POLR2F: variants seen among roughly 807,000 people sequenced by gnomAD.
POLR2F encodes DNA-directed RNA polymerases I, II, and III subunit RPABC2.
Under a neutral mutation model 22.7 loss-of-function variants are expected in POLR2F, and 12 were observed. The observed-to-expected ratio is 0.53, with a 90% CI of 0.34 to 0.86. The LOEUF is 0.86. Among genes scored for constraint, POLR2F ranks in the 40% least tolerant of loss-of-function variants. The pLI, the probability that POLR2F is intolerant of heterozygous loss-of-function variation, is 0.02. For missense variants in POLR2F, 126 were observed against 171.5 expected (o/e 0.73, Z 1.48); for synonymous variants, 57 against 66.0 (o/e 0.86, Z 0.66).
At chr22:38,010,459 T>C (rs1457575985) in intron 1 of POLR2F, among the ~76,000 whole-genome samples, 2 of 152,074 alleles carry the variant, frequency 1.3e-5, no homozygotes, top group Admixed American at 1.3e-4. Context: ...CCAAATTAGC[T>C]GTACCATTTC....
At position 37,978,124 on chromosome 22, in the gene POLR2F, T is replaced by C. The variant is rs1370065890; in HGVS notation, c.293+10954T>C. 1.3e-6 allele frequency: 2 copies of C among 1,571,448 alleles called. No individual in the cohort carries two copies. Among genetic ancestry groups the C allele is most frequent in the East Asian group, 2.3e-5 (1 of 43,968 alleles). ...CTCGATGAAGGGGCGCTTGTCACTT[T>C]CGTTCAGCAGCCTGGGGTGTGGTGG... is the stretch of plus-strand genomic sequence containing the variant. On this transcript the variant is annotated intron_variant, in intron 4 of 4. Transcript: ENST00000405557. The surrounding 1 kb of genome is among the most constrained non-coding windows in gnomAD (Gnocchi z 5.0).
At chr22:38,002,168 TA>T (rs926217985) in intron 1 of POLR2F, among the ~76,000 whole-genome samples, 77 of 151,910 alleles carry the variant, frequency 5.1e-4, no homozygotes, top group African/African-American at 1.8e-3. Context: ...TTTTTTAATT[TA>T]TTTTTTTCCC....
At chr22:38,012,118 G>A (rs1180013279) in intron 1 of POLR2F, among the ~76,000 whole-genome samples, 2 of 134,594 alleles carry the variant, frequency 1.5e-5, no homozygotes, top group Non-Finnish European at 3.1e-5. Flanking sequence ...GTCTTGCTCT[G>A]TCGCCTAGGC....
At chr22:38,003,320 G>A (rs1443306150) in intron 1 of POLR2F, among the ~76,000 whole-genome samples, 6 of 151,684 alleles carry the variant, frequency 4.0e-5, no homozygotes, top group South Asian at 2.1e-4. Context: ...TCCGCCTCCC[G>A]GGTTCGAGCG....
At chr22:37,969,401 G>A, downstream of POLR2F, 3 of 810,692 alleles carry the variant, frequency 3.7e-6, no homozygotes, top group Non-Finnish European at 4.5e-6. Context: ...TGGAGCTCCT[G>A]CCTTCCTGAG....
chr22:37,956,695 G>A lies in POLR2F; in HGVS notation c.21-78G>A, dbSNP rs117294127. 2.1e-3 allele frequency: 2,418 copies of A among 1,126,228 alleles called. 3 individuals are homozygous for A. Among genetic ancestry groups the A allele is most frequent in the Non-Finnish European group, 2.9e-3 (2,129 of 737,392 alleles). The allele number at this position is 1,126,228 out of a possible 1,614,324, so 69.8% of individuals were successfully genotyped here. On this transcript the variant is annotated intron_variant, in intron 1 of 4. Transcript: ENST00000442738. ...ATCTCCGAAAGTACCAGGATTACAA[G>A]TGTGATCCACCGTGCCTGGCCCCTC...
intron 2 of POLR2F, among the ~76,000 whole-genome samples, chr22:37,958,206 T>C (rs1931478469): frequency 6.6e-6 from 1 of 150,684 alleles, no homozygotes; most frequent in Non-Finnish European, 1.5e-5. Flanking sequence ...TTTTTTTTTT[T>C]GAGACGGGGT....
chr22:38,023,092 T>C (rs1159858250), intron 1 of POLR2F, among the ~76,000 whole-genome samples: 1 of 152,164 alleles, frequency 6.6e-6, no homozygotes, highest in Non-Finnish European at 1.5e-5. Context: ...CACTGGGTTA[T>C]TTTGTGTTCC....
At chr22:37,981,275 C>T (rs1246022205), upstream of POLR2F, among the ~76,000 whole-genome samples, 1 of 152,252 alleles carries the variant, frequency 6.6e-6, no homozygotes, top group African/African-American at 2.4e-5. Context: ...GAGCAATTGG[C>T]CAGCCCAGCC....
chr22:38,010,127 C>G (rs537890443), intron 1 of POLR2F, among the ~76,000 whole-genome samples: 1 of 152,268 alleles, frequency 6.6e-6, no homozygotes, highest in South Asian at 2.1e-4. Context: ...GTAATCCCAG[C>G]ACTTTGAGAG....
In POLR2F at chr22:37,980,006, C is replaced by T. The variant is rs1024515656; in HGVS notation, c.293+12836C>T. ...GTGGTCATGCCAGGCACCTCCTAGC[C>T]GGCAGCAGCATTCCTCTGCGGCTTA... On this transcript the variant is annotated intron_variant, in intron 4 of 4. Transcript: ENST00000405557. This position sits in a 1 kb window ranked among gnomAD's most constrained non-coding sequence, Gnocchi z 4.1. Among the ~76,000 whole-genome samples the T allele has an allele frequency of 3.3e-5, 5 of 152,124 alleles. No homozygotes were observed. The highest frequency in any genetic ancestry group is 1.3e-4 in the Admixed American group (2 of 15,272).
rs1931908742 is a variant in POLR2F at position 37,967,629 on chromosome 22, C to T, written c.298C>T (p.Arg100Ter). 7 of 1,613,702 alleles carry T rather than the reference C, an allele frequency of 4.3e-6. No individual in the cohort carries two copies. Among genetic ancestry groups the T allele is most frequent in the African/African-American group, 2.7e-5 (2 of 74,862 alleles). The change falls in exon 5 of 5, where the codon CGA becomes TGA. Residue 100 changes from arginine (R) to a stop codon, truncating the protein, a stop_gained. Transcript: ENST00000442738. LOFTEE classifies it high-confidence loss of function. The part of the protein sequence containing the change: ...LLIAMKELKA[R>*]KIPIIIRRYL... The stretch of plus-strand genomic sequence containing the variant: ...GTGACTTCTCCCCTGCCACAGGGCC[C>T]GAAAGATCCCCATCATCATTCGCCG...
intron 1 of POLR2F, among the ~76,000 whole-genome samples, chr22:38,019,304 C>T (rs1342764949): frequency 6.6e-6 from 1 of 152,106 alleles, no homozygotes; most frequent in African/African-American, 2.4e-5. Flanking sequence ...TTGACATTCC[C>T]CAAGGGTCCC....
At chr22:38,025,059 G>A (rs769624998) in intron 1 of POLR2F, among the ~76,000 whole-genome samples, 28 of 152,230 alleles carry the variant, frequency 1.8e-4, no homozygotes, top group African/African-American at 2.6e-4. Flanking sequence ...TGGCGTTTCC[G>A]GGCCTCTTGG....
chr22:38,005,312 T>A (rs1196136334), intron 1 of POLR2F, among the ~76,000 whole-genome samples: 2 of 152,098 alleles, frequency 1.3e-5, no homozygotes, highest in African/African-American at 4.8e-5. Context: ...TTTAGTAGAG[T>A]CAGGGTTTCA....
chr22:38,038,426 G>T (rs1463923747), intron 5 of POLR2F, among the ~76,000 whole-genome samples: 1 of 152,166 alleles, frequency 6.6e-6, no homozygotes, highest in Non-Finnish European at 1.5e-5. Context: ...TCACAGGGCG[G>T]CTGGGGTTTG....
intron 1 of POLR2F, among the ~76,000 whole-genome samples, chr22:37,993,941 A>G (rs1194406806): frequency 1.3e-5 from 2 of 152,228 alleles, no homozygotes; most frequent in Non-Finnish European, 2.9e-5. Flanking sequence ...GTGAGCCGAG[A>G]TCGCGCCACT....
Position 37,967,107 on chromosome 22 carries a change from C to G in POLR2F, c.230C>G (p.Ala77Gly). The G allele has an allele frequency of 1.9e-6, 3 of 1,611,840 alleles. No homozygotes were observed. The highest frequency in any genetic ancestry group is 2.5e-6 in the Non-Finnish European group (3 of 1,178,264). ...TGTCCCTATCCCTACAGGATGTGTG[C>G]CCCTGTGATGGTGGAGCTGGAGGGG... ...GTRALQIAMC[A>G]PVMVELEGET... The change falls in exon 4 of 5, where the codon GCC (alanine) becomes GGC (glycine). Residue 77 changes from alanine (A) to glycine (G), a missense_variant. Ala to Gly is a moderately conservative substitution (Grantham distance 60, BLOSUM62 0). Coordinates refer to ENST00000442738, the MANE Select transcript of POLR2F (RefSeq NM_021974.5).
At chr22:37,983,794 GGCCGCCGCC>G (rs762578400), upstream of POLR2F, 50 of 1,419,890 alleles carry the variant, frequency 3.5e-5, no homozygotes, top group South Asian at 1.6e-4. This position sits in a 1 kb window ranked among gnomAD's most constrained non-coding sequence, Gnocchi z 9.5. Flanking sequence ...TGTCGCCCCC[GGCCGCCGCC>G]GCCGCCGCCT....
Sources: gnomAD v4.1 joint callset for allele counts (sites outside exome capture counted in the v4.1 genomes callset) on GRCh38, gnomAD v4.1.1 for gene constraint, Gnocchi (gnomAD v3.1) non-coding constraint, MANE v1.5 for transcripts, NCBI Gene and HGNC (gene_info 2026-07-23, HGNC 2026-07-21) for gene names.